The following ZNF672 variants were observed in gnomAD, a reference collection of about 807,000 sequenced individuals.
ZNF672 encodes zinc finger protein 672.
For missense variants in ZNF672, 733 were observed against 701.1 expected, an observed-to-expected ratio of 1.05 and a Z score of -0.51; for synonymous variants, 358 against 305.6, an observed-to-expected ratio of 1.17 and a Z score of -1.79.
chr1:248,848,767 G>A lies in ZNF672; in HGVS notation c.*134G>A, dbSNP rs1659268758. On this transcript the variant is annotated 3_prime_UTR_variant, in exon 4 of 4. Coordinates refer to ENST00000306562, the MANE Select transcript of ZNF672 (RefSeq NM_024836.3). Reference sequence around the variant, plus strand: ...GTGGCCTCCTACCTTTCCAGTTTCTGTTGGCAGCCCTTCACGTAGCCTCCT... The same window carrying A: ...GTGGCCTCCTACCTTTCCAGTTTCTATTGGCAGCCCTTCACGTAGCCTCCT... The A allele has an allele frequency of 7.5e-7, 1 of 1,333,380 alleles. No individual in the cohort carries two copies. Among genetic ancestry groups the A allele is most frequent in the Admixed American group, 2.4e-5 (1 of 41,308 alleles). The allele number at this position is 1,333,380 out of a possible 1,614,324, so 82.6% of individuals were successfully genotyped here.
intron 3 of ZNF672, 86 bp from the exon 4 acceptor site, chr1:248,846,966 G>A (rs2103029772): frequency 3.0e-6 from 1 of 331,526 alleles, no homozygotes; most frequent in South Asian, 5.5e-5. Flanking sequence ...ACTACCTAAA[G>A]AAGTTATAAC....
intron 3 of ZNF672, among the ~76,000 whole-genome samples, chr1:248,846,313 C>T (rs1664760456): frequency 6.6e-6 from 1 of 152,164 alleles, no homozygotes; most frequent in Non-Finnish European, 1.5e-5. Context: ...ATAATGCCAC[C>T]AACTTTTAAT....
At position 248,847,667 on chromosome 1, in the gene ZNF672, G is replaced by T. The variant is rs1659197344; in HGVS notation, c.393G>T (p.Pro131=). 1 of 1,490,168 alleles carries T rather than the reference G, an allele frequency of 6.7e-7. No homozygotes were observed. The highest frequency in any genetic ancestry group is 1.3e-5 in the South Asian group (1 of 78,788). 92.3% of individuals were successfully genotyped at this position (1,490,168 alleles called of 1,614,324 possible). The part of the protein sequence containing the change: ...QHLPERPRRC[P]LCARTFRQSA... ...TGCCAGAGCGGCCCCGCCGCTGCCC[G>T]CTGTGCGCCCGCACCTTCCGGCAGA... Residue 131 remains proline (P), a synonymous_variant, in exon 4 of 4, where the codon CCG becomes CCT. Transcript: ENST00000306562.
At position 248,844,625 on chromosome 1, in the gene ZNF672, T is replaced by C. The variant is rs896482063; in HGVS notation, c.-332T>C. 3 of 152,234 alleles carry C rather than the reference T, an allele frequency of 2.0e-5. No individual in the cohort carries two copies. The highest frequency in any genetic ancestry group is 7.2e-5 in the African/African-American group (3 of 41,454). 9.4% of individuals were successfully genotyped at this position (152,234 alleles called of 1,614,324 possible). On this transcript the variant is annotated 5_prime_UTR_variant, in exon 2 of 4. An upstream start codon of the reference 5' UTR is lost. Coordinates refer to ENST00000306562, the MANE Select transcript of ZNF672 (RefSeq NM_024836.3). ...CGAGTGTCCTACTCCGCATCCGTAATGGAAGGAAATGGTATTGTTGTTTAT... is the reference window on the plus strand; with the variant it reads ...CGAGTGTCCTACTCCGCATCCGTAACGGAAGGAAATGGTATTGTTGTTTAT...
At position 248,847,487 on chromosome 1, in the gene ZNF672, C is replaced by A. The variant is rs1659175725; in HGVS notation, c.213C>A (p.Ile71=). The A allele has an allele frequency of 6.3e-7, 1 of 1,597,104 alleles. No homozygotes were observed. The highest frequency in any genetic ancestry group is 2.3e-5 in the East Asian group (1 of 43,558). The change falls in exon 4 of 4, where the codon ATC becomes ATA. Residue 71 remains isoleucine (I), a synonymous_variant. Transcript: ENST00000306562. The stretch of plus-strand genomic sequence containing the variant: ...CGCATGCTGGCCAGACCCTCTACAT[C>A]TGCAGTGAGTGCGGACAAAGCTTCC... ...RRTHAGQTLY[I]CSECGQSFRH...
rs991718918 is a variant in ZNF672, at chr1:248,847,599, C to A, written c.325C>A (p.Pro109Thr). The change falls in exon 4 of 4, where the codon CCG becomes ACG. Residue 109 changes from proline to threonine, a missense_variant. Pro to Thr is a conservative substitution (Grantham distance 38). Transcript: ENST00000306562. ...CPCRTCGRRFPHLPALLLHRR... is the reference protein window; with the variant it reads ...CPCRTCGRRFTHLPALLLHRR... ...CTGCCGCACATGCGGCCGGCGCTTC[C>A]CGCACCTCCCGGCGCTGCTGCTACA... The A allele has an allele frequency of 6.5e-7, 1 of 1,543,194 alleles. No homozygotes were observed. Among genetic ancestry groups the A allele is most frequent in the African/African-American group, 1.4e-5 (1 of 73,352 alleles).
In ZNF672 at chr1:248,847,900, G is replaced by T; in HGVS notation, c.626G>T (p.Gly209Val). Reference sequence around the variant, plus strand: ...TGTGGCGTGTGCGGCAAGTGCTTTGGCAAGAGCTCTACGCTGACGCGACAC... The same window carrying T: ...TGTGGCGTGTGCGGCAAGTGCTTTGTCAAGAGCTCTACGCTGACGCGACAC... ...HQCGVCGKCF[G>V]KSSTLTRHLQ... is the part of the protein sequence containing the mutation. Residue 209 changes from glycine to valine, a missense_variant, in exon 4 of 4, where the codon GGC becomes GTC. Physicochemically the swap from Gly to Val is moderately radical, Grantham distance 109. Transcript: ENST00000306562. 6.3e-7 allele frequency: 1 copy of T among 1,588,680 alleles called. No individual in the cohort carries two copies.
At chr1:248,841,089 C>T (rs186008740) in intron 1 of ZNF672, among the ~76,000 whole-genome samples, 164 of 115,618 alleles carry the variant, frequency 1.4e-3, no homozygotes, top group East Asian at 3.3e-3. Flanking sequence ...AGTCAGAGTA[C>T]TTGTATGTGC....
At position 248,848,138 on chromosome 1, in the gene ZNF672, C is replaced by T. The variant is rs377320131; in HGVS notation, c.864C>T (p.Cys288=). The T allele has an allele frequency of 1.9e-6, 3 of 1,575,826 alleles. No individual in the cohort carries two copies. Among genetic ancestry groups the T allele is most frequent in the African/African-American group, 1.4e-5 (1 of 74,032 alleles). ...AGCGGCCACATGCGTGCGCCACTTG[C>T]GGCAAGGGTTTCGGGCAGCGCTCCG... ...QGERPHACAT[C]GKGFGQRSDL... Residue 288 remains cysteine (C), a synonymous_variant, in exon 4 of 4, where the codon TGC becomes TGT. Coordinates refer to ENST00000306562, the MANE Select transcript of ZNF672 (RefSeq NM_024836.3).
Position 248,847,109 on chromosome 1 carries a change from C to A in ZNF672, c.-166C>A. 2.2e-6 allele frequency: 2 copies of A among 890,810 alleles called. No individual in the cohort carries two copies. The highest frequency in any genetic ancestry group is 1.8e-5 in the South Asian group (1 of 56,432). The allele number at this position is 890,810 out of a possible 1,614,324, so 55.2% of individuals were successfully genotyped here. On this transcript the variant is annotated 5_prime_UTR_variant, in exon 4 of 4. An upstream open reading frame in the 5' UTR gains an earlier in-frame stop. Coordinates refer to ENST00000306562, the MANE Select transcript of ZNF672 (RefSeq NM_024836.3). ...CACCCTGGAACAGCCACAATGTCTG[C>A]CCCTTAGAGAAGAACCCTGAAATCA...
intron 2 of ZNF672, among the ~76,000 whole-genome samples, 178 bp downstream of exon 2, chr1:248,844,814 A>C (rs992183308): frequency 3.3e-5 from 5 of 152,180 alleles, no homozygotes; most frequent in Admixed American, 6.5e-5. Flanking sequence ...GTGGGGCCTG[A>C]GCATTGCTTT....
chr1:248,848,162 C>T lies in ZNF672; in HGVS notation c.888C>T (p.Ser296=), dbSNP rs113149175. The T allele has an allele frequency of 1.6e-3, 2,527 of 1,593,078 alleles. 41 individuals are homozygous for T. In the African/African-American group the frequency reaches 0.029, roughly 18 times the overall value. ...GCGGCAAGGGTTTCGGGCAGCGCTC[C>T]GACCTGGTGGTGCACCAGCGCATCC... ...ATCGKGFGQR[S]DLVVHQRIHT... is the part of the protein sequence containing the mutation. The change falls in exon 4 of 4, where the codon TCC becomes TCT. Residue 296 remains serine (S), a synonymous_variant. Coordinates refer to ENST00000306562, the MANE Select transcript of ZNF672 (RefSeq NM_024836.3).
chr1:248,847,418 T>C lies in ZNF672; in HGVS notation c.144T>C (p.Gly48=), dbSNP rs749813631. The C allele has an allele frequency of 4.4e-6, 7 of 1,593,554 alleles. No homozygotes were observed. In the East Asian group the frequency reaches 1.6e-4, roughly 37 times the overall value. ...GDGRFRCLEC[G]ERCARAADLR... ...GCCGCTTCCGTTGCCTAGAATGCGG[T>C]GAGCGCTGTGCACGGGCTGCTGACC... Residue 48 remains glycine, a synonymous_variant, in exon 4 of 4, where the codon GGT becomes GGC. Transcript: ENST00000306562.
At position 248,848,687 on chromosome 1, in the gene ZNF672, AG is replaced by A. The variant is rs1297346405; in HGVS notation, c.*55del. 13 of 1,516,634 alleles carry A rather than the reference AG, an allele frequency of 8.6e-6. No individual in the cohort carries two copies. Among genetic ancestry groups the A allele is most frequent in the African/African-American group, 1.4e-5 (1 of 71,834 alleles). 93.9% of individuals were successfully genotyped at this position (1,516,634 alleles called of 1,614,324 possible). A position where few individuals can be genotyped will look rare whatever the true frequency, so the allele number is the denominator to read the frequency against. ...AAGGTGGTTGGGCAAGCACCTATATAGTATCACGGGGACAGTTGAGGCAACT... is the reference window on the plus strand; with the variant it reads ...AAGGTGGTTGGGCAAGCACCTATATATATCACGGGGACAGTTGAGGCAACT... On this transcript the variant is annotated 3_prime_UTR_variant, in exon 4 of 4. Coordinates refer to ENST00000306562, the MANE Select transcript of ZNF672 (RefSeq NM_024836.3).
Position 248,847,893 on chromosome 1 carries a change from TGCTTTGGCAAGA to T in ZNF672, c.623_634del (p.Phe208_Ser211del), listed in dbSNP as rs1659206553. The stretch of plus-strand genomic sequence containing the variant: ...CCACCAGTGTGGCGTGTGCGGCAAG[TGCTTTGGCAAGA>T]GCTCTACGCTGACGCGACACCTGCA... On this transcript the variant is annotated inframe_deletion, in exon 4 of 4. Transcript: ENST00000306562. The T allele has an allele frequency of 6.3e-7, 1 of 1,588,734 alleles. No individual in the cohort carries two copies. Among genetic ancestry groups the T allele is most frequent in the South Asian group, 1.1e-5 (1 of 88,894 alleles).
At chr1:248,839,732 AT>A (rs774234469) in intron 1 of ZNF672, among the ~76,000 whole-genome samples, 4,184 of 113,810 alleles carry the variant, frequency 0.037, 61 homozygotes, top group African/African-American at 0.12. Context: ...AGTGTTAGCA[AT>A]TTTTTTTTTT....
rs1247345406 is a variant in ZNF672, at chr1:248,847,590, C to G, written c.316C>G (p.Arg106Gly). ...CRTCPCRTCG[R>G]RFPHLPALLL... Reference sequence around the variant, plus strand: ...CACTTGCCCCTGCCGCACATGCGGCCGGCGCTTCCCGCACCTCCCGGCGCT... The same window carrying G: ...CACTTGCCCCTGCCGCACATGCGGCGGGCGCTTCCCGCACCTCCCGGCGCT... The change falls in exon 4 of 4, where the codon CGG becomes GGG. Residue 106 changes from arginine to glycine, a missense_variant. Physicochemically the swap from Arg to Gly is moderately radical, Grantham distance 125. Transcript: ENST00000306562. 1.4e-5 allele frequency: 21 copies of G among 1,552,492 alleles called. No homozygotes were observed. Among genetic ancestry groups the G allele is most frequent in the African/African-American group, 2.7e-5 (2 of 73,492 alleles).
chr1:248,848,339 C>T lies in ZNF672; in HGVS notation c.1065C>T (p.Asn355=). The part of the protein sequence containing the change: ...GKRFTCVSNL[N]VHRRNHAGHK... ...GGTTCACGTGCGTGTCCAATCTCAACGTGCATCGGCGCAACCATGCCGGCC... is the reference window on the plus strand; with the variant it reads ...GGTTCACGTGCGTGTCCAATCTCAATGTGCATCGGCGCAACCATGCCGGCC... Residue 355 remains asparagine, a synonymous_variant, in exon 4 of 4, where the codon AAC becomes AAT. Coordinates refer to ENST00000306562, the MANE Select transcript of ZNF672 (RefSeq NM_024836.3). 8 of 1,601,526 alleles carry T rather than the reference C, an allele frequency of 5.0e-6. No individual in the cohort carries two copies. The highest frequency in any genetic ancestry group is 5.1e-6 in the Non-Finnish European group (6 of 1,179,750).
intron 1 of ZNF672, among the ~76,000 whole-genome samples, chr1:248,841,194 C>T (rs2103027492): frequency 6.6e-6 from 1 of 152,350 alleles, no homozygotes; most frequent in Non-Finnish European, 1.5e-5. Flanking sequence ...TAGTCAGGCC[C>T]TTTCCTCCAG....
Sources: gnomAD v4.1 joint callset for allele counts (sites outside exome capture counted in the v4.1 genomes callset) on GRCh38, gnomAD v4.1.1 for gene constraint, MANE v1.5 for transcripts, NCBI Gene and HGNC (gene_info 2026-07-23, HGNC 2026-07-21) for gene names.